PARD3B: variants seen among roughly 807,000 people sequenced by gnomAD.
The protein encoded by PARD3B is par-3 family cell polarity regulator beta.
In PARD3B, 103 loss-of-function variants were observed where a neutral mutation model predicts 130.2. The observed-to-expected ratio is 0.79, with a 90% CI of 0.67 to 0.93. The LOEUF (loss-of-function observed/expected upper bound fraction) is 0.93. Ranked by LOEUF, PARD3B falls within the 40% of genes least tolerant of loss-of-function variation. The pLI is 0.00. For missense variants in PARD3B, 1,609 were observed against 1,499.2 expected (o/e 1.07, Z -1.21); for synonymous variants, 583 against 553.2 (o/e 1.05, Z -0.76).
chr2:205,549,348 C>T (rs772080337), intron 21 of PARD3B, among the ~76,000 whole-genome samples: 36 of 152,082 alleles, frequency 2.4e-4, no homozygotes, highest in Non-Finnish European at 4.3e-4. Flanking sequence ...TAAATGTTTA[C>T]GTCTTTATTC....
intron 2 of PARD3B, among the ~76,000 whole-genome samples, chr2:204,700,755 T>C (rs2037852369): frequency 6.6e-6 from 1 of 152,104 alleles, no homozygotes; most frequent in Non-Finnish European, 1.5e-5. Flanking sequence ...TTTCTTATTG[T>C]ATTTGAGTGA....
chr2:205,331,475 T>A (rs557934438), intron 18 of PARD3B, among the ~76,000 whole-genome samples: 1 of 152,108 alleles, frequency 6.6e-6, no homozygotes, highest in South Asian at 2.1e-4. Flanking sequence ...ACCCATCTTT[T>A]CTGTTCTTAG....
rs1378941680 is a variant in PARD3B, at chr2:205,463,705, G to A, written c.3044+23033G>A. ...CTGAAGAAAAGCTGTTAAAAATTAT[G>A]TTTATAGGCCAGTCACTTGCACGCT... On this transcript the variant is annotated intron_variant, in intron 20 of 22. Coordinates refer to ENST00000406610, the MANE Select transcript of PARD3B (RefSeq NM_001302769.2). The surrounding 1 kb of genome is among the most constrained non-coding windows in gnomAD (Gnocchi z 4.8). Among the ~76,000 whole-genome samples, 3 of 152,268 alleles carry A rather than the reference G, an allele frequency of 2.0e-5. No individual in the cohort carries two copies. The highest frequency in any genetic ancestry group is 4.8e-5 in the African/African-American group (2 of 41,562).
intron 3 of PARD3B, among the ~76,000 whole-genome samples, chr2:205,043,816 A>G (rs984717871): frequency 5.3e-5 from 8 of 151,624 alleles, no homozygotes; most frequent in African/African-American, 1.9e-4. Flanking sequence ...TTTATTTATT[A>G]TTATTATACT....
At chr2:205,571,425 C>T (rs2053557365) in intron 22 of PARD3B, among the ~76,000 whole-genome samples, 1 of 152,210 alleles carries the variant, frequency 6.6e-6, no homozygotes, top group South Asian at 2.1e-4. Flanking sequence ...GGCATTCTTA[C>T]TTAAGAAGTC....
chr2:205,204,633 A>T (rs923664433), intron 15 of PARD3B, among the ~76,000 whole-genome samples: 9 of 152,064 alleles, frequency 5.9e-5, no homozygotes, highest in Non-Finnish European at 8.8e-5. Context: ...TGTAAAAAAT[A>T]TAAGGAAGGA....
intron 10 of PARD3B, among the ~76,000 whole-genome samples, chr2:205,155,890 G>C (rs2034089533): frequency 6.6e-6 from 1 of 152,016 alleles, no homozygotes; most frequent in Admixed American, 6.6e-5. Context: ...TTTTTGATGG[G>C]GTTGTTTGTT....
At chr2:205,108,838 G>A (rs982297638) in intron 5 of PARD3B, among the ~76,000 whole-genome samples, 6 of 152,092 alleles carry the variant, frequency 3.9e-5, no homozygotes, top group Non-Finnish European at 7.4e-5. Context: ...TGTCGGACAA[G>A]TTATTAAACT....
Position 204,634,131 on chromosome 2 carries a change from C to T in PARD3B, c.121-52050C>T, listed in dbSNP as rs1441116256. On this transcript the variant is annotated intron_variant, in intron 1 of 22. Transcript: ENST00000406610. ...TTAGCCATTCCCACCTCCCTCCTGC[C>T]CTAGCTCCCCATTATCCTTCCAAGC... is the stretch of plus-strand genomic sequence containing the variant. Among the ~76,000 whole-genome samples the T allele has an allele frequency of 2.0e-5, 3 of 152,096 alleles. No homozygotes were observed. In the East Asian group the frequency reaches 5.8e-4, roughly 29 times the overall value.
intron 2 of PARD3B, among the ~76,000 whole-genome samples, chr2:204,732,104 A>T (rs796579388): frequency 7.2e-5 from 11 of 152,062 alleles, no homozygotes; most frequent in African/African-American, 2.7e-4. Context: ...TTTGTATAAA[A>T]AAGTGAAAGT....
chr2:204,936,937 T>A (rs1688503446), intron 2 of PARD3B, among the ~76,000 whole-genome samples: 1 of 152,254 alleles, frequency 6.6e-6, no homozygotes, highest in South Asian at 2.1e-4. Flanking sequence ...AAATGTGTAT[T>A]ATATACTTGT....
At chr2:205,234,875 A>G (rs2038994532) in intron 15 of PARD3B, among the ~76,000 whole-genome samples, 1 of 152,268 alleles carries the variant, frequency 6.6e-6, no homozygotes, top group Non-Finnish European at 1.5e-5. Flanking sequence ...AGAATTCAAT[A>G]GCAGAAAGAA....
At chr2:204,958,857 C>T (rs1240859585) in intron 2 of PARD3B, among the ~76,000 whole-genome samples, 7 of 152,060 alleles carry the variant, frequency 4.6e-5, no homozygotes, top group Admixed American at 6.6e-5. Flanking sequence ...AGATCTGAGT[C>T]CTGGAAGGGA....
chr2:205,418,351 G>A (rs1486848783), intron 19 of PARD3B, among the ~76,000 whole-genome samples: 6 of 152,074 alleles, frequency 3.9e-5, no homozygotes, highest in Non-Finnish European at 5.9e-5. Context: ...TATTAATTGA[G>A]CATCTAGGCA....
intron 18 of PARD3B, among the ~76,000 whole-genome samples, chr2:205,380,692 CTATA>C (rs1411891330): frequency 5.7e-5 from 5 of 87,926 alleles, no homozygotes; most frequent in African/African-American, 2.1e-4. Flanking sequence ...AACATATATA[CTATA>C]TATAAAGAAT....
chr2:204,997,256 A>G (rs1694305136), intron 3 of PARD3B, among the ~76,000 whole-genome samples: 1 of 152,126 alleles, frequency 6.6e-6, no homozygotes, highest in Non-Finnish European at 1.5e-5. Flanking sequence ...TAATTTTAGA[A>G]CTGGCCGGTT....
intron 2 of PARD3B, among the ~76,000 whole-genome samples, chr2:204,774,084 A>G (rs1185170812): frequency 6.6e-6 from 1 of 151,706 alleles, no homozygotes; most frequent in East Asian, 1.9e-4. Flanking sequence ...CCAATCTCTC[A>G]CTGATATTCC....
intron 2 of PARD3B, among the ~76,000 whole-genome samples, chr2:204,739,978 T>C (rs566608670): frequency 6.6e-6 from 1 of 151,712 alleles, no homozygotes; most frequent in African/African-American, 2.4e-5. Context: ...TTCCCTAAAC[T>C]TTAATTCTGT....
intron 2 of PARD3B, among the ~76,000 whole-genome samples, chr2:204,880,657 C>CAAAAAAAAAAAAAAAAA (rs746023895): frequency 1.8e-5 from 1 of 55,466 alleles, no homozygotes; most frequent in Non-Finnish European, 4.0e-5. Flanking sequence ...GACTCCATCT[C>CAAAAAAAAAAAAAAAAA]AAAAAAAAAA....
Sources: gnomAD v4.1 joint callset for allele counts (sites outside exome capture counted in the v4.1 genomes callset) on GRCh38, gnomAD v4.1.1 for gene constraint, Gnocchi (gnomAD v3.1) non-coding constraint, MANE v1.5 for transcripts, NCBI Gene and HGNC (gene_info 2026-07-23, HGNC 2026-07-21) for gene names.